The following KLHL24 variants were observed in gnomAD, a reference collection of about 807,000 sequenced individuals.
KLHL24 encodes kelch like family member 24, also known as kelch-like protein 24.
A neutral mutation model predicts 53.4 loss-of-function variants in KLHL24; 29 were observed. The observed-to-expected ratio is 0.54, with a 90% CI of 0.40 to 0.74. The LOEUF (loss-of-function observed/expected upper bound fraction) is 0.74. Ranked by LOEUF, KLHL24 falls within the 30% of genes least tolerant of loss-of-function variation. The probability of loss-of-function intolerance (pLI) is 0.00; values close to 1 mark genes in which losing one functional copy is unlikely to be tolerated. For synonymous variants in KLHL24, 222 were observed against 253.7 expected (o/e 0.88, Z 1.19); for missense variants, 504 against 744.0 (o/e 0.68, Z 3.75).
intron 6 of KLHL24, 134 bp from the exon 7 acceptor site, chr3:183,672,162 G>T: frequency 2.1e-6 from 1 of 473,716 alleles, no homozygotes; most frequent in Non-Finnish European, 3.6e-6. Context: ...TCACTATCAG[G>T]CTAACCTCTC....
At chr3:183,654,947 G>A (rs1451668078) in intron 3 of KLHL24, among the ~76,000 whole-genome samples, 1 of 152,172 alleles carries the variant, frequency 6.6e-6, no homozygotes, top group Non-Finnish European at 1.5e-5. Flanking sequence ...ATCATATTAG[G>A]AGTCACAGCA....
chr3:183,682,536 G>A lies in KLHL24; in HGVS notation c.*3250G>A, dbSNP rs963935850. The A allele has an allele frequency of 1.3e-5, 2 of 152,586 alleles. No individual in the cohort carries two copies. Among genetic ancestry groups the A allele is most frequent in the Non-Finnish European group, 2.9e-5 (2 of 68,012 alleles). The allele number at this position is 152,586 out of a possible 1,614,324, so 9.5% of individuals were successfully genotyped here. On this transcript the variant is annotated 3_prime_UTR_variant, in exon 8 of 8. Transcript: ENST00000242810. ...GCTCGTTTGGGGTGTAAAGTGCCAT[G>A]ACTGAATAATCTTCAATTCATGATT...
Position 183,650,399 on chromosome 3 carries a change from G to C in KLHL24, c.43G>C (p.Gly15Arg). 2 of 1,614,054 alleles carry C rather than the reference G, an allele frequency of 1.2e-6. No individual in the cohort carries two copies. Among genetic ancestry groups the C allele is most frequent in the Non-Finnish European group, 1.7e-6 (2 of 1,179,992 alleles). ...ACGCAGACTAAACAGAGAGGATCTT[G>C]GGGTGCGTGATTCCCCAGCAACTAA... ...LGRRLNREDL[G>R]VRDSPATKRK... is the part of the protein sequence containing the mutation. The change falls in exon 3 of 8, where the codon GGG becomes CGG. Residue 15 changes from glycine (G) to arginine (R), a missense_variant. Gly to Arg is a moderately radical substitution (Grantham distance 125). Transcript: ENST00000242810. The surrounding 1 kb of genome is among the most constrained non-coding windows in gnomAD (Gnocchi z 4.5).
In KLHL24 at chr3:183,680,026, A is replaced by G. The variant is rs1054882719; in HGVS notation, c.*740A>G. On this transcript the variant is annotated 3_prime_UTR_variant, in exon 8 of 8. Transcript: ENST00000242810. ...GCCTTTGAAGGAAAAATGACCCACT[A>G]TGGCTCTCAAAGTTTTTATGCATCA... The G allele has an allele frequency of 6.6e-6, 1 of 152,206 alleles. No individual in the cohort carries two copies. Among genetic ancestry groups the G allele is most frequent in the Admixed American group, 6.5e-5 (1 of 15,278 alleles). The allele number at this position is 152,206 out of a possible 1,614,324, so 9.4% of individuals were successfully genotyped here. A position where few individuals can be genotyped will look rare whatever the true frequency, so the allele number is the denominator to read the frequency against.
At chr3:183,660,840 G>A (rs181695562) in intron 3 of KLHL24, among the ~76,000 whole-genome samples, 18 of 151,764 alleles carry the variant, frequency 1.2e-4, no homozygotes, top group Admixed American at 8.5e-4. Flanking sequence ...GGTGGATCAT[G>A]AGGTCAGGAG....
rs539195199 is a variant in KLHL24, at chr3:183,656,631, T to C, written c.920+5355T>C. Among the ~76,000 whole-genome samples the C allele has an allele frequency of 4.6e-5, 7 of 152,298 alleles. No individual in the cohort carries two copies. The South Asian group carries it at 1.0e-3, about 23-fold the overall frequency. On this transcript the variant is annotated intron_variant, in intron 3 of 7. Coordinates refer to ENST00000242810, the MANE Select transcript of KLHL24 (RefSeq NM_017644.3). ...GCTAAGTGCTAGGCTTCAACCCTTTTCATCTGGAGAAAAGTAACTTACCTT... is the reference window on the plus strand; with the variant it reads ...GCTAAGTGCTAGGCTTCAACCCTTTCCATCTGGAGAAAAGTAACTTACCTT...
chr3:183,660,135 T>C (rs1042414061), intron 3 of KLHL24, among the ~76,000 whole-genome samples: 52 of 78,484 alleles, frequency 6.6e-4, no homozygotes, highest in Admixed American at 3.1e-3. Flanking sequence ...TTCTTTCTTT[T>C]TTTTTTTTTT....
intron 7 of KLHL24, 46 bp downstream of exon 7, chr3:183,672,530 C>A: frequency 2.3e-6 from 3 of 1,320,910 alleles, no homozygotes; most frequent in Non-Finnish European, 2.1e-6. Context: ...CTAAGAGGGA[C>A]CAAGTACATA....
chr3:183,651,911 T>C (rs186685731), intron 3 of KLHL24, among the ~76,000 whole-genome samples: 3 of 149,334 alleles, frequency 2.0e-5, no homozygotes, highest in Non-Finnish European at 4.4e-5. Context: ...CTCTTACTGC[T>C]CTCCAGCCTG....
intron 3 of KLHL24, among the ~76,000 whole-genome samples, chr3:183,652,107 A>G (rs774974670): frequency 3.3e-4 from 50 of 152,348 alleles, no homozygotes; most frequent in Non-Finnish European, 6.0e-4. Context: ...CACAGTTATT[A>G]TATTTAATGT....
chr3:183,653,533 A>C (rs957621371), intron 3 of KLHL24, among the ~76,000 whole-genome samples: 1 of 152,262 alleles, frequency 6.6e-6, no homozygotes, highest in African/African-American at 2.4e-5. Context: ...GGCTTGCAGA[A>C]GCAGAACAAA....
chr3:183,665,032 T>G lies in KLHL24; in HGVS notation c.1217T>G (p.Leu406Arg). The G allele has an allele frequency of 6.3e-7, 1 of 1,583,712 alleles. No homozygotes were observed. The highest frequency in any genetic ancestry group is 8.7e-7 in the Non-Finnish European group (1 of 1,154,008). The change falls in exon 5 of 8, where the codon CTT (leucine) becomes CGT (arginine). Residue 406 changes from leucine (L) to arginine (R), a missense_variant. Physicochemically the swap from Leu to Arg is moderately radical, Grantham distance 102. Coordinates refer to ENST00000242810, the MANE Select transcript of KLHL24 (RefSeq NM_017644.3). ...TGGCGTCACAAAATGGCTGTCCTCC[T>G]TGGTAAAGTAAGAGAAACCACTTTT... ...GRWRHKMAVL[L>R]GKVYVVGGYD...
At chr3:183,666,711 T>A (rs935904090) in intron 5 of KLHL24, among the ~76,000 whole-genome samples, 1 of 152,204 alleles carries the variant, frequency 6.6e-6, no homozygotes, top group African/African-American at 2.4e-5. Context: ...TCTGGAACAT[T>A]TTGGATTTCA....
At chr3:183,637,819 C>G (rs1715592141) in intron 1 of KLHL24, among the ~76,000 whole-genome samples, 1 of 152,132 alleles carries the variant, frequency 6.6e-6, no homozygotes, top group African/African-American at 2.4e-5. Context: ...CCACCACGCC[C>G]GGCTAGTTTT....
rs3772703 is a variant in KLHL24 at position 183,670,738 on chromosome 3, G to A, written c.1225-296G>A. Among the ~76,000 whole-genome samples, 50,902 of 151,976 alleles carry A rather than the reference G, an allele frequency of 0.33. 9,373 individuals carry two copies. Among genetic ancestry groups the A allele is most frequent in the African/African-American group, 0.49 (20,261 of 41,416 alleles). ...TGAAAAAAAATGTACCCTTTCTTGT[G>A]TAAAGAACAGATATACATACATTAA... On this transcript the variant is annotated intron_variant, in intron 5 of 7. Coordinates refer to ENST00000242810, the MANE Select transcript of KLHL24 (RefSeq NM_017644.3).
intron 3 of KLHL24, among the ~76,000 whole-genome samples, chr3:183,654,592 A>G (rs1460536648): frequency 6.6e-6 from 1 of 152,198 alleles, no homozygotes; most frequent in African/African-American, 2.4e-5. Flanking sequence ...CTTAATAATA[A>G]TAATTCATAT....
intron 3 of KLHL24, among the ~76,000 whole-genome samples, chr3:183,659,421 C>T (rs1387310651): frequency 6.6e-6 from 1 of 152,146 alleles, no homozygotes; most frequent in Non-Finnish European, 1.5e-5. Context: ...CCTATAATCC[C>T]AGCTGCTGCA....
At chr3:183,637,804 G>C (rs9821484) in intron 1 of KLHL24, among the ~76,000 whole-genome samples, 50,229 of 151,700 alleles carry the variant, frequency 0.33, 9,069 homozygotes, top group African/African-American at 0.48. Flanking sequence ...GATGACAGGC[G>C]CCCGCCACCA....
chr3:183,664,495 A>G (rs995768299), intron 4 of KLHL24, among the ~76,000 whole-genome samples: 2 of 152,146 alleles, frequency 1.3e-5, no homozygotes, highest in Non-Finnish European at 2.9e-5. Context: ...TTTGCAGATT[A>G]TTATATATAT....
Sources: gnomAD v4.1 joint callset for allele counts (sites outside exome capture counted in the v4.1 genomes callset) on GRCh38, gnomAD v4.1.1 for gene constraint, Gnocchi (gnomAD v3.1) non-coding constraint, MANE v1.5 for transcripts, NCBI Gene and HGNC (gene_info 2026-07-23, HGNC 2026-07-21) for gene names.